Variants in RAB27B observed in about 807,000 individuals in gnomAD.
RAB27B encodes ras-related protein Rab-27B.
A neutral mutation model predicts 24.6 loss-of-function variants in RAB27B; 15 were observed. The ratio of observed to expected loss-of-function variants is 0.61; its 90% confidence interval spans 0.41 to 0.94. RAB27B has a LOEUF of 0.94. Among genes scored for constraint, RAB27B ranks in the 40% least tolerant of loss-of-function variants. RAB27B has a pLI of 0.00. For missense variants in RAB27B, 261 were observed against 266.8 expected (o/e 0.98, Z 0.15); for synonymous variants, 105 against 92.5 (o/e 1.14, Z -0.78).
chr18:54,844,817 CAT>C (rs919405685), intron 1 of RAB27B, among the ~76,000 whole-genome samples: 14 of 152,148 alleles, frequency 9.2e-5, no homozygotes, highest in African/African-American at 3.4e-4. Flanking sequence ...ACAAATTTCA[CAT>C]GTTTATTTTC....
At chr18:54,809,759 T>C (rs1420879084) in intron 2 of RAB27B, among the ~76,000 whole-genome samples, 1 of 152,188 alleles carries the variant, frequency 6.6e-6, no homozygotes, top group Non-Finnish European at 1.5e-5. Context: ...CCAGAGACTA[T>C]GTAAGATGCT....
intron 1 of RAB27B, among the ~76,000 whole-genome samples, chr18:54,837,829 A>G (rs959219485): frequency 5.3e-5 from 8 of 152,242 alleles, no homozygotes; most frequent in Non-Finnish European, 8.8e-5. Context: ...TTGTTGTTCA[A>G]TTGAAGGACA....
intron 4 of RAB27B, 73 bp from the exon 5 acceptor site, chr18:54,887,922 C>T: frequency 6.6e-7 from 1 of 1,523,202 alleles, no homozygotes; most frequent in Non-Finnish European, 8.9e-7. Context: ...GATCAGGAAT[C>T]TGGAATAAGA....
chr18:54,843,524 G>C (rs958767428), intron 1 of RAB27B, among the ~76,000 whole-genome samples: 2 of 152,150 alleles, frequency 1.3e-5, no homozygotes, highest in Admixed American at 1.3e-4. Flanking sequence ...GACTAAGGGT[G>C]ATATTAAACA....
At chr18:54,799,723 G>A (rs1909541110) in intron 2 of RAB27B, among the ~76,000 whole-genome samples, 1 of 144,104 alleles carries the variant, frequency 6.9e-6, no homozygotes, top group South Asian at 2.2e-4. Flanking sequence ...TCTGCCTCCA[G>A]GGTTCATGCC....
intron 1 of RAB27B, among the ~76,000 whole-genome samples, chr18:54,863,443 G>A (rs1191857418): frequency 6.6e-6 from 1 of 152,126 alleles, no homozygotes; most frequent in African/African-American, 2.4e-5. Flanking sequence ...TGTGGAGGTA[G>A]GCCTGAATAA....
rs535895327 is a variant in RAB27B, at chr18:54,744,022, G to A, written c.-20+25881G>A. Among the ~76,000 whole-genome samples, 7 of 152,270 alleles carry A rather than the reference G, an allele frequency of 4.6e-5. No homozygotes were observed. In the South Asian group the frequency reaches 8.3e-4, roughly 18 times the overall value. ...AATTTATATCCAGCAATCATCCCTC[G>A]AGATAATTTGGGCCAAGCAATTTGC... On this transcript the variant is annotated intron_variant, in intron 2 of 4. Transcript: ENST00000586570.
At chr18:54,855,962 A>G (rs1041669597) in intron 1 of RAB27B, among the ~76,000 whole-genome samples, 4 of 152,250 alleles carry the variant, frequency 2.6e-5, no homozygotes, top group African/African-American at 9.6e-5. Context: ...GTTGTCAGCA[A>G]CATTTGTTGA....
intron 4 of RAB27B, among the ~76,000 whole-genome samples, chr18:54,886,229 C>A (rs2099319076): frequency 6.6e-6 from 1 of 151,998 alleles, no homozygotes; most frequent in African/African-American, 2.4e-5. Flanking sequence ...TCATTCAGTC[C>A]CAGCCATCAC....
intron 1 of RAB27B, among the ~76,000 whole-genome samples, chr18:54,851,209 A>G (rs1911573654): frequency 6.6e-6 from 1 of 152,158 alleles, no homozygotes; most frequent in Non-Finnish European, 1.5e-5. Context: ...AGTGCATCAC[A>G]TGTATTATTC....
intron 2 of RAB27B, among the ~76,000 whole-genome samples, chr18:54,815,560 A>G (rs973871238): frequency 6.6e-6 from 1 of 152,152 alleles, no homozygotes; most frequent in Non-Finnish European, 1.5e-5. Flanking sequence ...CTTACTCTAA[A>G]ATCAATTTAT....
At chr18:54,740,305 T>A (rs979607009) in intron 2 of RAB27B, among the ~76,000 whole-genome samples, 1 of 152,192 alleles carries the variant, frequency 6.6e-6, no homozygotes. Context: ...TCCTAACCCC[T>A]TAGATGTCTA....
At chr18:54,783,862 A>C (rs1338586026) in intron 2 of RAB27B, among the ~76,000 whole-genome samples, 1 of 152,124 alleles carries the variant, frequency 6.6e-6, no homozygotes, top group Non-Finnish European at 1.5e-5. Context: ...GAGAGCAGCC[A>C]GACTCTGGAC....
At chr18:54,775,088 G>A (rs1908676235) in intron 2 of RAB27B, among the ~76,000 whole-genome samples, 1 of 152,180 alleles carries the variant, frequency 6.6e-6, no homozygotes. Flanking sequence ...TGCTTCCTCA[G>A]AGAGCCTGAC....
intron 2 of RAB27B, among the ~76,000 whole-genome samples, chr18:54,773,103 G>A (rs545270231): frequency 3.3e-5 from 5 of 152,004 alleles, no homozygotes; most frequent in South Asian, 2.1e-4. Flanking sequence ...TTTGGCAAAG[G>A]CCATCTCATA....
rs1057091561 is a variant in RAB27B at position 54,821,935 on chromosome 18, T to C, written c.-19-55632T>C. On this transcript the variant is annotated intron_variant, in intron 2 of 4. Transcript: ENST00000586570. The stretch of plus-strand genomic sequence containing the variant: ...GCCTGGCTAATTTTTGTATTATTAG[T>C]AGAGATGAGGTTTCACCATGTCGGC... 5.3e-5 allele frequency among the ~76,000 whole-genome samples: 8 copies of C among 152,202 alleles called. No individual in the cohort carries two copies. In the East Asian group the frequency reaches 1.6e-3, roughly 30 times the overall value.
At chr18:54,850,532 A>G (rs1362875315) in intron 1 of RAB27B, among the ~76,000 whole-genome samples, 2 of 150,370 alleles carry the variant, frequency 1.3e-5, no homozygotes, top group East Asian at 2.0e-4. Context: ...ATGCCCAGCT[A>G]TGTTTTGTAT....
At chr18:54,771,415 G>C (rs1908543988) in intron 2 of RAB27B, among the ~76,000 whole-genome samples, 1 of 152,162 alleles carries the variant, frequency 6.6e-6, no homozygotes, top group Admixed American at 6.6e-5. Context: ...TGCCATTCAT[G>C]ATGAGAAGTC....
At chr18:54,834,924 T>G (rs1910836474) in intron 1 of RAB27B, among the ~76,000 whole-genome samples, 1 of 151,736 alleles carries the variant, frequency 6.6e-6, no homozygotes, top group African/African-American at 2.4e-5. Context: ...AAAAATGAGA[T>G]TATGTATTAA....
Sources: gnomAD v4.1 joint callset for allele counts (sites outside exome capture counted in the v4.1 genomes callset) on GRCh38, gnomAD v4.1.1 for gene constraint, MANE v1.5 for transcripts, NCBI Gene and HGNC (gene_info 2026-07-23, HGNC 2026-07-21) for gene names.